Variants in WDR88 observed in about 807,000 individuals in gnomAD.
WDR88 encodes WD repeat domain 88, also known as WD repeat-containing protein 88.
A neutral mutation model predicts 46.8 loss-of-function variants in WDR88; 40 were observed. The ratio of observed to expected loss-of-function variants is 0.86; its 90% confidence interval spans 0.66 to 1.11. The LOEUF is 1.11. Among genes scored for constraint, WDR88 ranks in the 50% most tolerant of loss-of-function variants. WDR88 has a pLI of 0.00. For synonymous variants in WDR88, 235 were observed against 240.7 expected (o/e 0.98, Z 0.22); for missense variants, 562 against 602.4 (o/e 0.93, Z 0.70).
intron 6 of WDR88, among the ~76,000 whole-genome samples, chr19:33,151,744 G>A (rs1011711618): frequency 6.6e-6 from 1 of 152,078 alleles, no homozygotes; most frequent in African/African-American, 2.4e-5. Flanking sequence ...GCTGGGTGTG[G>A]TGTCACACAC....
At chr19:33,150,492 G>C (rs938664378) in intron 5 of WDR88, among the ~76,000 whole-genome samples, 1 of 152,176 alleles carries the variant, frequency 6.6e-6, no homozygotes, top group African/African-American at 2.4e-5. Flanking sequence ...AAAGCAAAAG[G>C]CTGCTGTGTC....
intron 10 of WDR88, among the ~76,000 whole-genome samples, chr19:33,173,429 G>A (rs1030496495): frequency 2.0e-5 from 3 of 152,268 alleles, no homozygotes; most frequent in Non-Finnish European, 1.5e-5. Context: ...GCTGGCCACA[G>A]AGGCTGTCCC....
chr19:33,174,111 C>CA, intron 10 of WDR88: 1 of 1,513,666 alleles, frequency 6.6e-7, no homozygotes, highest in Admixed American at 2.0e-5. Flanking sequence ...CTCAGCCTCC[C>CA]AAAGTGCTGG....
intron 6 of WDR88, among the ~76,000 whole-genome samples, chr19:33,153,069 G>A (rs1363245602): frequency 2.0e-5 from 3 of 151,724 alleles, no homozygotes; most frequent in South Asian, 4.2e-4. Context: ...ATTTGATTTC[G>A]AGACAGAGTC....
chr19:33,160,083 C>G (rs536415537), intron 7 of WDR88, among the ~76,000 whole-genome samples: 1 of 152,086 alleles, frequency 6.6e-6, no homozygotes, highest in Non-Finnish European at 1.5e-5. Flanking sequence ...GGTGGTAATA[C>G]GAGCGATGGG....
chr19:33,143,369 CA>C (rs1973441985), intron 2 of WDR88, among the ~76,000 whole-genome samples: 1 of 135,802 alleles, frequency 7.4e-6, no homozygotes, highest in African/African-American at 2.8e-5. Context: ...AAAGGCTGGT[CA>C]CAGTGAGTCA....
At chr19:33,152,101 G>A (rs1169071156) in intron 6 of WDR88, among the ~76,000 whole-genome samples, 1 of 149,824 alleles carries the variant, frequency 6.7e-6, no homozygotes, top group East Asian at 2.0e-4. Context: ...GCGTGGTGGC[G>A]GGCACCTGTA....
Position 33,175,519 on chromosome 19 carries a change from T to C in WDR88, c.1366T>C (p.Ser456Pro). The C allele has an allele frequency of 1.2e-6, 2 of 1,614,176 alleles. No individual in the cohort carries two copies. The highest frequency in any genetic ancestry group is 1.3e-5 in the African/African-American group (1 of 75,038). ...GCCAGCAGATACTTCATCGTCATCA[T>C]CATCATCGGAAAGGGAGAACTCACC... is the stretch of plus-strand genomic sequence containing the variant. ...GLPADTSSSS[S>P]SSERENSPPP... The change falls in exon 11 of 11, where the codon TCA becomes CCA. Residue 456 changes from serine (S) to proline (P), a missense_variant. Ser to Pro is a moderately conservative substitution (Grantham distance 74). Coordinates refer to ENST00000355868, the MANE Select transcript of WDR88 (RefSeq NM_173479.4).
chr19:33,143,406 G>C (rs1223467911), intron 2 of WDR88, among the ~76,000 whole-genome samples: 1 of 150,128 alleles, frequency 6.7e-6, no homozygotes, highest in Non-Finnish European at 1.5e-5. Context: ...CACTTTTGGA[G>C]GTTGAGGCAG....
intron 1 of WDR88, among the ~76,000 whole-genome samples, chr19:33,135,209 C>T (rs1973237949): frequency 6.6e-6 from 1 of 152,108 alleles, no homozygotes; most frequent in Non-Finnish European, 1.5e-5. Context: ...TTCCCCAATA[C>T]CCATCCTGCC....
chr19:33,137,741 A>G lies in WDR88; in HGVS notation c.341A>G (p.Asp114Gly), dbSNP rs779365271. ...AVSTCHFCVD[D>G]TKLLSGSYDC... ...AGCACCTGCCACTTCTGTGTGGATG[A>G]CACAAAGCTCCTCAGTGGCTCCTAT... Residue 114 changes from aspartate (D) to glycine (G), a missense_variant, in exon 2 of 11, where the codon GAC becomes GGC. Coordinates refer to ENST00000355868, the MANE Select transcript of WDR88 (RefSeq NM_173479.4). The G allele has an allele frequency of 1.2e-6, 2 of 1,613,940 alleles. No individual in the cohort carries two copies. Among genetic ancestry groups the G allele is most frequent in the South Asian group, 1.1e-5 (1 of 91,062 alleles).
At chr19:33,155,244 G>A (rs1973711901) in intron 6 of WDR88, among the ~76,000 whole-genome samples, 4 of 152,164 alleles carry the variant, frequency 2.6e-5, no homozygotes, top group Admixed American at 1.3e-4. Context: ...GGGTTCAAGT[G>A]ATTCTCCTGC....
chr19:33,172,048 G>A (rs1974047579), intron 9 of WDR88, among the ~76,000 whole-genome samples: 1 of 152,124 alleles, frequency 6.6e-6, no homozygotes, highest in Non-Finnish European at 1.5e-5. Context: ...ACAGGCATGA[G>A]CCACCGCGCC....
intron 9 of WDR88, among the ~76,000 whole-genome samples, chr19:33,168,767 G>T (rs979893334): frequency 1.1e-4 from 17 of 152,040 alleles, no homozygotes; most frequent in African/African-American, 4.1e-4. Flanking sequence ...GCCCCGAATA[G>T]CCAAAAGAAT....
At position 33,132,312 on chromosome 19, in the gene WDR88, C is replaced by T. The variant is rs777027370; in HGVS notation, c.143C>T (p.Ser48Leu). 1 of 1,613,992 alleles carries T rather than the reference C, an allele frequency of 6.2e-7. No individual in the cohort carries two copies. Among genetic ancestry groups the T allele is most frequent in the Non-Finnish European group, 8.5e-7 (1 of 1,180,004 alleles). Reference sequence around the variant, plus strand: ...AGGGCCTTAGGCCGCTTCAAGCTGTCGATCCCGCACACGCACCTGCTGGCC... The same window carrying T: ...AGGGCCTTAGGCCGCTTCAAGCTGTTGATCCCGCACACGCACCTGCTGGCC... ...MARALGRFKLSIPHTHLLATL... is the reference protein window; with the variant it reads ...MARALGRFKLLIPHTHLLATL... Residue 48 changes from serine (S) to leucine (L), a missense_variant, in exon 1 of 11, where the codon TCG (serine) becomes TTG (leucine). Physicochemically the swap from Ser to Leu is moderately radical, Grantham distance 145 (BLOSUM62 -2). Coordinates refer to ENST00000355868, the MANE Select transcript of WDR88 (RefSeq NM_173479.4).
intron 9 of WDR88, among the ~76,000 whole-genome samples, chr19:33,165,053 C>T (rs1973931410): frequency 6.6e-6 from 1 of 151,944 alleles, no homozygotes; most frequent in Non-Finnish European, 1.5e-5. Flanking sequence ...CTTGCATGCA[C>T]AGTTCACAAT....
intron 9 of WDR88, among the ~76,000 whole-genome samples, chr19:33,165,764 G>A (rs1220047870): frequency 6.6e-6 from 1 of 151,810 alleles, no homozygotes; most frequent in Non-Finnish European, 1.5e-5. Context: ...GTGGTGGCAG[G>A]TGCCTGTAAT....
Position 33,156,441 on chromosome 19 carries a change from T to C in WDR88, c.896T>C (p.Ile299Thr). Residue 299 changes from isoleucine to threonine, a missense_variant, in exon 7 of 11, where the codon ATA becomes ACA. Ile to Thr is a moderately conservative substitution (Grantham distance 89). Transcript: ENST00000355868. Reference sequence around the variant, plus strand: ...AGCTCCTGGGATAAAAACTTAAAAATATGGAACGTCCACACAGGGGAGTTT... The same window carrying C: ...AGCTCCTGGGATAAAAACTTAAAAACATGGAACGTCCACACAGGGGAGTTT... ...CTSSWDKNLK[I>T]WNVHTGEFRN... The C allele has an allele frequency of 6.2e-7, 1 of 1,614,130 alleles. No homozygotes were observed. Among genetic ancestry groups the C allele is most frequent in the Non-Finnish European group, 8.5e-7 (1 of 1,180,036 alleles).
rs1020397214 is a variant in WDR88 at position 33,134,847 on chromosome 19, C to T, written c.276+2402C>T. On this transcript the variant is annotated intron_variant, in intron 1 of 10. Coordinates refer to ENST00000355868, the MANE Select transcript of WDR88 (RefSeq NM_173479.4). ...CACCTGCACGTCCCCGACACCCCCC[C>T]CCCCGCCCCGCATCACCTGCAACCG... Among the ~76,000 whole-genome samples the T allele has an allele frequency of 2.3e-3, 317 of 137,056 alleles. 5 individuals are homozygous for T. The highest frequency in any genetic ancestry group is 7.9e-3 in the African/African-American group (306 of 38,750). 89.9% of individuals were successfully genotyped at this position (137,056 alleles called of 152,430 possible). A position where few individuals can be genotyped will look rare whatever the true frequency, so the allele number is the denominator to read the frequency against.
Sources: gnomAD v4.1 joint callset for allele counts (sites outside exome capture counted in the v4.1 genomes callset) on GRCh38, gnomAD v4.1.1 for gene constraint, MANE v1.5 for transcripts, NCBI Gene and HGNC (gene_info 2026-07-23, HGNC 2026-07-21) for gene names.